ZNF350: variants seen among roughly 807,000 people sequenced by gnomAD.
The protein encoded by ZNF350 is zinc finger protein 350, also known as KRAB zinc finger protein ZFQR.
In ZNF350, 5 loss-of-function variants were observed where a neutral mutation model predicts 13.1. The observed-to-expected ratio is 0.38, with a 90% confidence interval of 0.20 to 0.80. The LOEUF is 0.80. Among genes scored for constraint, ZNF350 ranks in the 30% least tolerant of loss-of-function variants. The probability of loss-of-function intolerance (pLI) is 0.43; values close to 1 mark genes in which losing one functional copy is unlikely to be tolerated. For missense variants in ZNF350, 534 were observed against 644.2 expected (o/e 0.83, Z 1.85); for synonymous variants, 199 against 224.2 (o/e 0.89, Z 1.00).
intron 2 of ZNF350, 65 bp downstream of exon 2, chr19:51,974,281 T>C: frequency 6.4e-7 from 1 of 1,564,100 alleles, no homozygotes; most frequent in Non-Finnish European, 8.8e-7. Flanking sequence ...AAATTGATGT[T>C]TATAGGCTTC....
chr19:51,968,769 T>A, intron 3 of ZNF350, 96 bp from the exon 4 acceptor site: 1 of 1,461,122 alleles, frequency 6.8e-7, no homozygotes, highest in Non-Finnish European at 9.4e-7. Context: ...TTGAGTTTCT[T>A]AAAATACCCA....
At position 51,967,859 on chromosome 19, in the gene ZNF350, G is replaced by A. The variant is rs112749842; in HGVS notation, c.238+719C>T. 5.2e-3 allele frequency among the ~76,000 whole-genome samples: 794 copies of A among 152,274 alleles called. 4 individuals are homozygous for A. The highest frequency in any genetic ancestry group is 6.8e-3 in the Non-Finnish European group (465 of 68,020). ...TTAATGGTTTTCTTGGAGGAAAGATGATTCTAGTTCCTTGCAGTTACTAGG... is the reference window on the plus strand; with the variant it reads ...TTAATGGTTTTCTTGGAGGAAAGATAATTCTAGTTCCTTGCAGTTACTAGG... On this transcript the variant is annotated intron_variant, in intron 4 of 4. Coordinates refer to ENST00000243644, the MANE Select transcript of ZNF350 (RefSeq NM_021632.4).
At chr19:51,968,448 G>A (rs2085638404) in intron 4 of ZNF350, 130 bp downstream of exon 4, 4 of 771,718 alleles carry the variant, frequency 5.2e-6, no homozygotes, top group South Asian at 1.5e-5. Context: ...AGAAAAACTG[G>A]TCTCACACTG....
intron 2 of ZNF350, 120 bp downstream of exon 2, chr19:51,974,226 C>T: frequency 2.7e-6 from 3 of 1,102,512 alleles, no homozygotes; most frequent in Non-Finnish European, 3.9e-6. Flanking sequence ...AAGCTTACTT[C>T]TCTCCAGATC....
chr19:51,974,129 G>T (rs1403135968), intron 2 of ZNF350: 1 of 450,164 alleles, frequency 2.2e-6, no homozygotes, highest in African/African-American at 2.0e-5. Context: ...GCCATGCATG[G>T]TGTCACAAAA....
rs1568475015 is a variant in ZNF350 at position 51,965,574 on chromosome 19, A to G, written c.879T>C (p.Ser293=). 3 of 1,614,140 alleles carry G rather than the reference A, an allele frequency of 1.9e-6. No individual in the cohort carries two copies. Among genetic ancestry groups the G allele is most frequent in the Non-Finnish European group, 2.5e-6 (3 of 1,180,022 alleles). ...THTGEKPYIC[S]ECGKGFIQKG... ...TCTGGATGAAGCCTTTTCCACATTC[A>G]CTGCATATATAGGGTTTCTCTCCGG... is the stretch of plus-strand genomic sequence containing the variant. Residue 293 remains serine, a synonymous_variant, in exon 5 of 5, where the codon AGT becomes AGC. Coordinates refer to ENST00000243644, the MANE Select transcript of ZNF350 (RefSeq NM_021632.4).
At chr19:51,974,027 A>G (rs948321014) in intron 2 of ZNF350, 1 of 235,636 alleles carries the variant, frequency 4.2e-6, no homozygotes, top group Non-Finnish European at 8.4e-6. Flanking sequence ...CAAAAACAGG[A>G]CATACCATGT....
Position 51,965,945 on chromosome 19 carries a change from C to G in ZNF350, c.508G>C (p.Glu170Gln). ...AATTTAATTGCAGTATGAAGTCGTT[C>G]ATGGTTAGCATGAAGAAAGGAGTCC... ...NGDSFLHANH[E>Q]RLHTAIKFPA... The change falls in exon 5 of 5, where the codon GAA (glutamate) becomes CAA (glutamine). Residue 170 changes from glutamate (E) to glutamine (Q), a missense_variant. Glu to Gln is a conservative substitution (Grantham distance 29). Transcript: ENST00000243644. 1 of 1,614,042 alleles carries G rather than the reference C, an allele frequency of 6.2e-7. No homozygotes were observed. Among genetic ancestry groups the G allele is most frequent in the African/African-American group, 1.3e-5 (1 of 75,048 alleles).
At chr19:51,980,581 G>A (rs1163152190) in intron 1 of ZNF350, among the ~76,000 whole-genome samples, 1 of 152,176 alleles carries the variant, frequency 6.6e-6, no homozygotes, top group Non-Finnish European at 1.5e-5. Context: ...AGGAGAACAG[G>A]TACAAAGCTT....
At chr19:51,975,421 C>G (rs1461970658) in intron 1 of ZNF350, among the ~76,000 whole-genome samples, 1 of 125,188 alleles carries the variant, frequency 8.0e-6, no homozygotes, top group East Asian at 2.3e-4. Context: ...AAGAGCGAAA[C>G]CTCGTCTTAA....
intron 2 of ZNF350, among the ~76,000 whole-genome samples, chr19:51,972,555 T>C (rs1398275313): frequency 6.6e-6 from 1 of 152,170 alleles, no homozygotes; most frequent in Admixed American, 6.5e-5. Flanking sequence ...ATGTTCAAAG[T>C]GTAGCATCTT....
At position 51,965,079 on chromosome 19, in the gene ZNF350, G is replaced by T. The variant is rs542665274; in HGVS notation, c.1374C>A (p.Asn458Lys). The T allele has an allele frequency of 2.5e-6, 4 of 1,614,162 alleles. No homozygotes were observed. Among genetic ancestry groups the T allele is most frequent in the Non-Finnish European group, 1.7e-6 (2 of 1,180,032 alleles). The change falls in exon 5 of 5, where the codon AAC (asparagine) becomes AAA (lysine). Residue 458 changes from asparagine (N) to lysine (K), a missense_variant. Physicochemically the swap from Asn to Lys is moderately conservative, Grantham distance 94. Transcript: ENST00000243644. ...SDVMQEKNSA[N>K]GATTQVPSVA... ...CAGAAGGCACTTGTGTAGTCGCCCCGTTAGCAGAGTTTTTCTCCTGCATGA... is the reference window on the plus strand; with the variant it reads ...CAGAAGGCACTTGTGTAGTCGCCCCTTTAGCAGAGTTTTTCTCCTGCATGA...
chr19:51,966,357 C>G (rs901066773), intron 4 of ZNF350, 143 bp from the exon 5 acceptor site: 7 of 810,562 alleles, frequency 8.6e-6, no homozygotes, highest in Non-Finnish European at 1.3e-5. Context: ...GATCTCAGCT[C>G]ACTGCAACCT....
Position 51,977,437 on chromosome 19 carries a change from A to C in ZNF350, c.-171-2906T>G, listed in dbSNP as rs541421479. On this transcript the variant is annotated intron_variant, in intron 1 of 4. Coordinates refer to ENST00000243644, the MANE Select transcript of ZNF350 (RefSeq NM_021632.4). ...GCAAGAAATGTGTGCAGACCAGGCT[A>C]AACAGAACCATGCTGCTGGACACGG... 2.6e-4 allele frequency among the ~76,000 whole-genome samples: 40 copies of C among 152,334 alleles called. No homozygotes were observed. In the Middle Eastern group the frequency reaches 0.01, roughly 39 times the overall value.
rs2085885388 is a variant in ZNF350 at position 51,976,038 on chromosome 19, C to CCGTTATCTA, written c.-171-1516_-171-1508dup. Among the ~76,000 whole-genome samples, 1 of 152,108 alleles carries CCGTTATCTA rather than the reference C, an allele frequency of 6.6e-6. No individual in the cohort carries two copies. Among genetic ancestry groups the CCGTTATCTA allele is most frequent in the Non-Finnish European group, 1.5e-5 (1 of 68,024 alleles). ...TGCTGGAGGCAATCACTCCCTGGCG[C>CCGTTATCTA]CGTTATCTACTGCGACATCTAGAGA... On this transcript the variant is annotated intron_variant, in intron 1 of 4. Coordinates refer to ENST00000243644, the MANE Select transcript of ZNF350 (RefSeq NM_021632.4). This position sits in a 1 kb window ranked among gnomAD's most constrained non-coding sequence, Gnocchi z 4.5.
intron 1 of ZNF350, among the ~76,000 whole-genome samples, chr19:51,980,375 T>A (rs2086003648): frequency 6.6e-6 from 1 of 152,206 alleles, no homozygotes; most frequent in South Asian, 2.1e-4. Context: ...TTAGGCATAA[T>A]TTTTGCTATT....
At position 51,969,269 on chromosome 19, in the gene ZNF350, A is replaced by C. The variant is rs904206257; in HGVS notation, c.16-138T>G. 6 of 928,936 alleles carry C rather than the reference A, an allele frequency of 6.5e-6. No individual in the cohort carries two copies. In the African/African-American group the frequency reaches 1.0e-4, roughly 16 times the overall value. The allele number at this position is 928,936 out of a possible 1,614,324, so 57.5% of individuals were successfully genotyped here. On this transcript the variant is annotated intron_variant, in intron 2 of 4. Coordinates refer to ENST00000243644, the MANE Select transcript of ZNF350 (RefSeq NM_021632.4). ...TTTTTTTTTAATACAATGTGGAAGA[A>C]GTAAAGTCCTAATATAATATTCTGT... is the stretch of plus-strand genomic sequence containing the variant.
At chr19:51,974,314 GGAAA>G in intron 2 of ZNF350, 28 bp downstream of exon 2, 1 of 1,612,058 alleles carries the variant, frequency 6.2e-7, no homozygotes, top group Non-Finnish European at 8.5e-7. Flanking sequence ...ATGGAACAAA[GGAAA>G]GAATAAAACA....
chr19:51,966,290 GT>G (rs573199392), intron 4 of ZNF350, 76 bp from the exon 5 acceptor site: 7,009 of 1,057,010 alleles, frequency 6.6e-3, no homozygotes, highest in Non-Finnish European at 7.2e-3. Context: ...TGTTTTTTTT[GT>G]TTTTTTTTTT....
Sources: allele counts gnomAD v4.1 joint callset (sites outside exome capture counted in the v4.1 genomes callset), GRCh38; gene constraint gnomAD v4.1.1; non-coding constraint Gnocchi (gnomAD v3.1); transcripts MANE v1.5; gene names NCBI Gene and HGNC (gene_info 2026-07-23, HGNC 2026-07-21).